MORN3: variants seen among roughly 807,000 people sequenced by gnomAD.
MORN3 encodes MORN repeat containing 3.
MORN3 carries 38 observed loss-of-function variants against 34.7 expected under a neutral mutation model. The ratio of observed to expected loss-of-function variants is 1.10; its 90% CI spans 0.85 to 1.44. The LOEUF is 1.44. Ranked by LOEUF, MORN3 falls within the 40% of genes most tolerant of loss-of-function variation. MORN3 has a pLI of 0.00. For synonymous variants in MORN3, 109 were observed against 115.3 expected, an observed-to-expected ratio of 0.95 and a Z score of 0.35; for missense variants, 311 against 321.7, an observed-to-expected ratio of 0.97 and a Z score of 0.25.
At position 121,653,088 on chromosome 12, in the gene MORN3, A is replaced by C; in HGVS notation, c.635T>G (p.Phe212Cys). The change falls in exon 4 of 6, where the codon TTC becomes TGC. Residue 212 changes from phenylalanine to cysteine, a missense_variant. Transcript: ENST00000355329. Reference sequence around the variant, plus strand: ...AGGGCTGCCCACCTCAGGAATGGGGAACTGAGTGGGCTCAGGGGCCTCGTC... The same window carrying C: ...AGGGCTGCCCACCTCAGGAATGGGGCACTGAGTGGGCTCAGGGGCCTCGTC... ...GRDEAPEPTQ[F>C]PIPEVKILDP... The C allele has an allele frequency of 6.2e-7, 1 of 1,611,888 alleles. No homozygotes were observed. Among genetic ancestry groups the C allele is most frequent in the Non-Finnish European group, 8.5e-7 (1 of 1,179,204 alleles).
chr12:121,660,890 A>T (rs1893562112), intron 1 of MORN3, among the ~76,000 whole-genome samples: 1 of 151,428 alleles, frequency 6.6e-6, no homozygotes, highest in Admixed American at 6.6e-5. Flanking sequence ...GCTGGTCTCG[A>T]ACTCCCGACC....
rs782103459 is a variant in MORN3, at chr12:121,654,364, C to T, written c.373G>A (p.Gly125Arg). 3 of 1,601,382 alleles carry T rather than the reference C, an allele frequency of 1.9e-6. No individual in the cohort carries two copies. The highest frequency in any genetic ancestry group is 1.3e-5 in the African/African-American group (1 of 74,780). ...EGDWCGSQRS[G>R]WGRMYYSNGD... ...TTGCTGTAATACATGCGGCCCCACC[C>T]GCTGCGCTGGCTGCCACACCAGTCA... The change falls in exon 3 of 6, where the codon GGG becomes AGG. Residue 125 changes from glycine (G) to arginine (R), a missense_variant. Gly to Arg is a moderately radical substitution (Grantham distance 125). Coordinates refer to ENST00000355329, the MANE Select transcript of MORN3 (RefSeq NM_173855.5).
intron 2 of MORN3, among the ~76,000 whole-genome samples, chr12:121,657,959 C>CCT (rs61619442): frequency 0.03 from 4,491 of 152,086 alleles, 178 homozygotes; most frequent in East Asian, 0.11. Context: ...TTGCAATTCC[C>CCT]GTCTTGATGA....
At chr12:121,652,315 C>G (rs11043311) in intron 5 of MORN3, among the ~76,000 whole-genome samples, 1 of 151,964 alleles carries the variant, frequency 6.6e-6, no homozygotes, top group Admixed American at 6.6e-5. Flanking sequence ...CTCACTGCAA[C>G]CTTCACCTCC....
chr12:121,670,921 G>A (rs1440010515), upstream of MORN3, among the ~76,000 whole-genome samples: 5 of 149,680 alleles, frequency 3.3e-5, no homozygotes, highest in African/African-American at 1.2e-4. Flanking sequence ...CACCAGCCTG[G>A]CCAACATGGC....
rs762036105 is a variant in MORN3, at chr12:121,669,445, C to T, written c.39G>A (p.Leu13=). Residue 13 remains leucine (L), a synonymous_variant, in exon 1 of 6, where the codon CTG becomes CTA. Coordinates refer to ENST00000355329, the MANE Select transcript of MORN3 (RefSeq NM_173855.5). ...VSKCPKKSES[L]WKGWDRKAQR... The stretch of plus-strand genomic sequence containing the variant: ...GGGCCTTCCGGTCCCACCCCTTCCA[C>T]AGGGACTCCGACTTTTTTGGGCACT... 1.9e-6 allele frequency: 3 copies of T among 1,614,088 alleles called. No homozygotes were observed. In the South Asian group the frequency reaches 3.3e-5, roughly 18 times the overall value.
Position 121,650,138 on chromosome 12 carries a change from C to A in MORN3, c.*1513G>T, listed in dbSNP as rs1366296419. On this transcript the variant is annotated 3_prime_UTR_variant, in exon 6 of 6. Transcript: ENST00000355329. ...TGCCCCATATTGCAAGTGAGGAGAC[C>A]AACAGAACAGAGTTTGGGTGACATT... is the stretch of plus-strand genomic sequence containing the variant. 1.3e-5 allele frequency: 2 copies of A among 152,006 alleles called. No individual in the cohort carries two copies. Among genetic ancestry groups the A allele is most frequent in the Non-Finnish European group, 2.9e-5 (2 of 68,018 alleles). 9.4% of individuals were successfully genotyped at this position (152,006 alleles called of 1,614,324 possible).
In MORN3 at chr12:121,652,695, C is replaced by T. The variant is rs374666846; in HGVS notation, c.*6+33G>A. The T allele has an allele frequency of 6.3e-5, 101 of 1,600,884 alleles. No individual in the cohort carries two copies. The African/African-American group carries it at 1.2e-3, about 19-fold the overall frequency. ...CTGGGCCCTGGAGCAGCCTCAGCCA[C>T]ATCAGAACTTGGCAGGTGTGCCCAC... On this transcript the variant is annotated intron_variant, in intron 5 of 5. Transcript: ENST00000355329.
intron 2 of MORN3, among the ~76,000 whole-genome samples, chr12:121,655,966 C>T (rs568178811): frequency 6.6e-6 from 1 of 151,688 alleles, no homozygotes; most frequent in Non-Finnish European, 1.5e-5. Context: ...GGAGGCGGAG[C>T]TTGCAGTGAG....
At chr12:121,666,176 A>G (rs1467881977) in intron 1 of MORN3, among the ~76,000 whole-genome samples, 2 of 151,830 alleles carry the variant, frequency 1.3e-5, no homozygotes, top group African/African-American at 4.8e-5. Context: ...TTATTTATTT[A>G]TTTGTCTTTT....
rs774729963 is a variant in MORN3 at position 121,669,353 on chromosome 12, T to C, written c.131A>G (p.Asp44Gly). ...GTCCCACTCACCGTGTTTCACGTTGTCCTTCCACTCGCCCACATAGTAGTC... is the reference window on the plus strand; with the variant it reads ...GTCCCACTCACCGTGTTTCACGTTGCCCTTCCACTCGCCCACATAGTAGTC... ...NGDYYVGEWK[D>G]NVKHGKGTQV... Residue 44 changes from aspartate to glycine, a missense_variant, in exon 1 of 6, where the codon GAC becomes GGC. Physicochemically the swap from Asp to Gly is moderately conservative, Grantham distance 94. Coordinates refer to ENST00000355329, the MANE Select transcript of MORN3 (RefSeq NM_173855.5). 6.2e-7 allele frequency: 1 copy of C among 1,613,704 alleles called. No homozygotes were observed. Among genetic ancestry groups the C allele is most frequent in the East Asian group, 2.2e-5 (1 of 44,814 alleles).
intron 1 of MORN3, among the ~76,000 whole-genome samples, chr12:121,667,402 C>T (rs115212207): frequency 0.026 from 3,933 of 151,784 alleles, 190 homozygotes; most frequent in African/African-American, 0.091. Flanking sequence ...TACAGGCGTT[C>T]ACCACTCGAT....
chr12:121,653,441 A>AG (rs1893312206), intron 3 of MORN3, among the ~76,000 whole-genome samples, 182 bp from the exon 4 acceptor site: 1 of 152,158 alleles, frequency 6.6e-6, no homozygotes, highest in Non-Finnish European at 1.5e-5. Context: ...TCTGCAAAAA[A>AG]AAAAATTTTT....
chr12:121,651,012 T>G lies in MORN3; in HGVS notation c.*639A>C, dbSNP rs1358145791. The G allele has an allele frequency of 6.6e-6, 1 of 152,196 alleles. No individual in the cohort carries two copies. The allele number at this position is 152,196 out of a possible 1,614,324, so 9.4% of individuals were successfully genotyped here. On this transcript the variant is annotated 3_prime_UTR_variant, in exon 6 of 6. Transcript: ENST00000355329. ...GAGAAGTGGTCAGGAAATTTTATGATCTCCAATCTTGGCAGCCAGTGTGGC... is the reference window on the plus strand; with the variant it reads ...GAGAAGTGGTCAGGAAATTTTATGAGCTCCAATCTTGGCAGCCAGTGTGGC...
rs542138681 is a variant in MORN3, at chr12:121,669,654, T to C, written c.-171A>G. ...TAGTGGGGATCCTTTAGTGCTGGAC[T>C]GACCTTTGGTTGGCCCCTCCCTTGC... On this transcript the variant is annotated 5_prime_UTR_variant, in exon 1 of 6. Coordinates refer to ENST00000355329, the MANE Select transcript of MORN3 (RefSeq NM_173855.5). The C allele has an allele frequency of 4.9e-5, 44 of 900,482 alleles. No homozygotes were observed. The South Asian group carries it at 6.8e-4, about 14-fold the overall frequency. 55.8% of individuals were successfully genotyped at this position (900,482 alleles called of 1,614,324 possible). A position where few individuals can be genotyped will look rare whatever the true frequency, so the allele number is the denominator to read the frequency against.
At chr12:121,655,349 A>G (rs1893386054) in intron 2 of MORN3, among the ~76,000 whole-genome samples, 1 of 151,728 alleles carries the variant, frequency 6.6e-6, no homozygotes, top group Non-Finnish European at 1.5e-5. Context: ...CAAAAAAAAA[A>G]AAAATCGCCC....
chr12:121,666,897 A>G lies in MORN3; in HGVS notation c.145+2442T>C, dbSNP rs369956578. 1.8e-4 allele frequency among the ~76,000 whole-genome samples: 27 copies of G among 149,684 alleles called. 1 individual carries two copies. Among genetic ancestry groups the G allele is most frequent in the South Asian group, 1.5e-3 (7 of 4,704 alleles). On this transcript the variant is annotated intron_variant, in intron 1 of 5. Coordinates refer to ENST00000355329, the MANE Select transcript of MORN3 (RefSeq NM_173855.5). The stretch of plus-strand genomic sequence containing the variant: ...CAGAGTCAAATCCAAAGTTCTTACC[A>G]TGGCTGACAGGGTCCTATATGATCT...
chr12:121,657,952 C>G (rs1163225718), intron 2 of MORN3, among the ~76,000 whole-genome samples: 5 of 151,334 alleles, frequency 3.3e-5, no homozygotes, highest in Non-Finnish European at 7.4e-5. Context: ...TTCTCTATTG[C>G]AATTCCCGTC....
chr12:121,662,369 A>G (rs1400017302), intron 1 of MORN3, among the ~76,000 whole-genome samples: 1 of 152,078 alleles, frequency 6.6e-6, no homozygotes. Flanking sequence ...CAGTAGGTTG[A>G]GGTAGGAGAA....
Sources: allele counts gnomAD v4.1 joint callset (sites outside exome capture counted in the v4.1 genomes callset), GRCh38; gene constraint gnomAD v4.1.1; transcripts MANE v1.5; gene names NCBI Gene and HGNC (gene_info 2026-07-23, HGNC 2026-07-21).